Variants in ASCC3 observed in about 807,000 individuals in gnomAD.
The protein encoded by ASCC3 is activating signal cointegrator 1 complex subunit 3, also known as ASC-1 complex subunit P200.
In ASCC3, 158 loss-of-function variants were observed where a neutral mutation model predicts 256.3. The observed-to-expected ratio is 0.62, with a 90% confidence interval of 0.54 to 0.70. The LOEUF (loss-of-function observed/expected upper bound fraction) is 0.70, where lower values mean the gene tolerates loss of function less well. Among genes scored for constraint, ASCC3 ranks in the 30% least tolerant of loss-of-function variants. The pLI is 0.00. For synonymous variants in ASCC3, 948 were observed against 883.4 expected (o/e 1.07, Z -1.30); for missense variants, 2,259 against 2,626.0 (o/e 0.86, Z 3.05).
rs540089387 is a variant in ASCC3 at position 100,810,072 on chromosome 6, C to T, written c.802-4192G>A. ...GATAAAATCCAAACTTCTAAGTACG[C>T]CCACATGATTGATACCTTCTATTGC... is the stretch of plus-strand genomic sequence containing the variant. On this transcript the variant is annotated intron_variant, in intron 4 of 41. Transcript: ENST00000369162. Among the ~76,000 whole-genome samples, 9 of 152,188 alleles carry T rather than the reference C, an allele frequency of 5.9e-5. No homozygotes were observed. In the South Asian group the frequency reaches 1.9e-3, roughly 32 times the overall value.
At position 100,639,549 on chromosome 6, in the gene ASCC3, A is replaced by T. The variant is rs1167591634; in HGVS notation, c.3902-728T>A. 2.0e-5 allele frequency among the ~76,000 whole-genome samples: 3 copies of T among 152,342 alleles called. No homozygotes were observed. The East Asian group carries it at 5.8e-4, about 29-fold the overall frequency. On this transcript the variant is annotated intron_variant, in intron 24 of 41. Transcript: ENST00000369162. ...GCCACTTTACTCTCAAGATTATTTC[A>T]TGAAAGATAAATCCAGTCATTTGAA...
chr6:100,532,454 T>A (rs1774963835), intron 37 of ASCC3, among the ~76,000 whole-genome samples: 1 of 147,214 alleles, frequency 6.8e-6, no homozygotes, highest in Non-Finnish European at 1.5e-5. Context: ...GAGCTGCTTT[T>A]ATGCTGAAAA....
intron 32 of ASCC3, among the ~76,000 whole-genome samples, chr6:100,606,326 T>C (rs1054899165): frequency 6.6e-6 from 1 of 152,100 alleles, no homozygotes; most frequent in Admixed American, 6.6e-5. Flanking sequence ...GCATAAGTTG[T>C]AGCAATAAAC....
intron 13 of ASCC3, chr6:100,715,100 C>T (rs377537251): frequency 6.1e-6 from 1 of 163,058 alleles, no homozygotes; most frequent in Admixed American, 6.2e-5. Flanking sequence ...GTATATTGAA[C>T]ATGGAGAATT....
In ASCC3 at chr6:100,671,946, C is replaced by G. The variant is rs79994148; in HGVS notation, c.2286+7672G>C. On this transcript the variant is annotated intron_variant, in intron 14 of 41. Coordinates refer to ENST00000369162, the MANE Select transcript of ASCC3 (RefSeq NM_006828.4). The stretch of plus-strand genomic sequence containing the variant: ...GCCACATAGTTGCCATCTGCCACTC[C>G]CTGTCACTATTTACATTTTAGTCAT... Among the ~76,000 whole-genome samples the G allele has an allele frequency of 5.1e-3, 780 of 152,086 alleles. 6 individuals carry two copies. The highest frequency in any genetic ancestry group is 0.018 in the African/African-American group (750 of 41,522).
chr6:100,593,137 G>A (rs528992298), intron 34 of ASCC3, among the ~76,000 whole-genome samples: 2 of 152,204 alleles, frequency 1.3e-5, no homozygotes, highest in South Asian at 4.1e-4. Flanking sequence ...AACAGGTGCT[G>A]AGTTGTTTAA....
At chr6:100,551,408 T>C (rs994777479) in intron 36 of ASCC3, among the ~76,000 whole-genome samples, 6 of 151,840 alleles carry the variant, frequency 4.0e-5, no homozygotes, top group African/African-American at 1.4e-4. Context: ...GAAGAAGTTA[T>C]GATTGAATTG....
intron 10 of ASCC3, among the ~76,000 whole-genome samples, chr6:100,737,475 T>C (rs1180092711): frequency 6.6e-6 from 1 of 151,948 alleles, no homozygotes; most frequent in Admixed American, 6.6e-5. Flanking sequence ...TGAGAATAGG[T>C]GGTGTTTGGT....
rs1339219040 is a variant in ASCC3 at position 100,693,806 on chromosome 6, T to A, written c.2152-14054A>T. Among the ~76,000 whole-genome samples, 4 of 152,278 alleles carry A rather than the reference T, an allele frequency of 2.6e-5. No individual in the cohort carries two copies. The South Asian group carries it at 8.3e-4, about 32-fold the overall frequency. Reference sequence around the variant, plus strand: ...TGCTGTAAGGAAGCAGTTTAAAAATTTTTTTTAGCTGTGGAATTTGTTCTT... The same window carrying A: ...TGCTGTAAGGAAGCAGTTTAAAAATATTTTTTAGCTGTGGAATTTGTTCTT... On this transcript the variant is annotated intron_variant, in intron 13 of 41. Coordinates refer to ENST00000369162, the MANE Select transcript of ASCC3 (RefSeq NM_006828.4).
At chr6:100,803,195 A>G (rs1770006897) in intron 5 of ASCC3, among the ~76,000 whole-genome samples, 1 of 152,074 alleles carries the variant, frequency 6.6e-6, no homozygotes, top group African/African-American at 2.4e-5. Flanking sequence ...CTGATTATAT[A>G]CTATTCAACA....
At chr6:100,532,279 G>A (rs1774914563) in intron 37 of ASCC3, among the ~76,000 whole-genome samples, 1 of 144,686 alleles carries the variant, frequency 6.9e-6, no homozygotes, top group Non-Finnish European at 1.5e-5. Context: ...TCTATTTACT[G>A]TTTTTGTTTC....
chr6:100,771,075 C>G (rs1402776399), intron 8 of ASCC3, among the ~76,000 whole-genome samples: 5 of 152,124 alleles, frequency 3.3e-5, no homozygotes, highest in Admixed American at 2.6e-4. Context: ...AAGGTATTTA[C>G]ATAAATACAA....
At position 100,516,490 on chromosome 6, in the gene ASCC3, G is replaced by C. The variant is rs141842488; in HGVS notation, c.5928-163C>G. The stretch of plus-strand genomic sequence containing the variant: ...AAAATTCAGCCAGCATTCTGTATAG[G>C]ATAACAGCCCAAGGCAGTACTGTTA... On this transcript the variant is annotated intron_variant, in intron 38 of 41. Transcript: ENST00000369162. Among the ~76,000 whole-genome samples, 163 of 152,092 alleles carry C rather than the reference G, an allele frequency of 1.1e-3. 2 individuals are homozygous for C. The highest frequency in any genetic ancestry group is 3.7e-3 in the African/African-American group (154 of 41,484).
At chr6:100,872,557 C>G (rs951076312) in intron 1 of ASCC3, among the ~76,000 whole-genome samples, 20 of 152,066 alleles carry the variant, frequency 1.3e-4, no homozygotes, top group Admixed American at 2.6e-4. Flanking sequence ...ATTGTAAACT[C>G]TTGCTCCAGA....
chr6:100,682,295 G>A lies in ASCC3; in HGVS notation c.2152-2543C>T, dbSNP rs569385787. 4.6e-5 allele frequency among the ~76,000 whole-genome samples: 7 copies of A among 152,166 alleles called. No homozygotes were observed. The East Asian group carries it at 1.2e-3, about 25-fold the overall frequency. ...GTCCTGATAAAACTGCCATGAAAAC[G>A]AGAGACAACGCCCCTGCCCTCATGG... On this transcript the variant is annotated intron_variant, in intron 13 of 41. Transcript: ENST00000369162.
chr6:100,749,663 C>T lies in ASCC3; in HGVS notation c.1737+16902G>A, dbSNP rs147948731. 7.8e-3 allele frequency among the ~76,000 whole-genome samples: 1,186 copies of T among 151,860 alleles called. 74 individuals carry two copies. The highest frequency in any genetic ancestry group is 0.072 in the Admixed American group (1,100 of 15,240). ...AATATTTATCATAAAGAGGAATGCCCTCTAATGTTCCGTTGACTGCAATTA... is the reference window on the plus strand; with the variant it reads ...AATATTTATCATAAAGAGGAATGCCTTCTAATGTTCCGTTGACTGCAATTA... On this transcript the variant is annotated intron_variant, in intron 10 of 41. Transcript: ENST00000369162.
At chr6:100,572,986 A>G (rs1245763785) in intron 36 of ASCC3, among the ~76,000 whole-genome samples, 1 of 152,170 alleles carries the variant, frequency 6.6e-6, no homozygotes, top group African/African-American at 2.4e-5. Flanking sequence ...TAGCTAACCT[A>G]AAAGGCTGTC....
At chr6:100,534,629 T>C (rs1775074480) in intron 37 of ASCC3, among the ~76,000 whole-genome samples, 1 of 152,228 alleles carries the variant, frequency 6.6e-6, no homozygotes, top group African/African-American at 2.4e-5. Flanking sequence ...CATAGTAATT[T>C]TGACATTTAT....
At chr6:100,807,639 G>C (rs1197358074) in intron 4 of ASCC3, among the ~76,000 whole-genome samples, 2 of 151,864 alleles carry the variant, frequency 1.3e-5, no homozygotes, top group Non-Finnish European at 2.9e-5. Context: ...AATTAGTAAT[G>C]ATTGTATTCT....
Sources: gnomAD v4.1 joint callset for allele counts (sites outside exome capture counted in the v4.1 genomes callset) on GRCh38, gnomAD v4.1.1 for gene constraint, MANE v1.5 for transcripts, NCBI Gene and HGNC (gene_info 2026-07-23, HGNC 2026-07-21) for gene names.